Variants in DNAH5 observed in about 807,000 individuals in gnomAD.
The protein encoded by DNAH5 is dynein axonemal heavy chain 5.
A neutral mutation model predicts 518.2 loss-of-function variants in DNAH5; 372 were observed. That is an observed-to-expected ratio of 0.72 (90% CI 0.66 to 0.78). The LOEUF (loss-of-function observed/expected upper bound fraction) is 0.78, where lower values mean the gene tolerates loss of function less well. DNAH5 is among the 30% of genes least tolerant of loss of function. The pLI is 0.00. For missense variants in DNAH5, 5,523 were observed against 5,687.0 expected, an observed-to-expected ratio of 0.97 and a Z score of 0.93; for synonymous variants, 2,039 against 2,025.9, an observed-to-expected ratio of 1.01 and a Z score of -0.17.
intron 41 of DNAH5, among the ~76,000 whole-genome samples, chr5:13,818,093 A>C (rs1561341627): frequency 6.6e-6 from 1 of 152,122 alleles, no homozygotes; most frequent in Non-Finnish European, 1.5e-5. Flanking sequence ...ATCAGCTTTG[A>C]TTTGTGTTAT....
chr5:13,782,227 T>C (rs186194098), intron 52 of DNAH5, among the ~76,000 whole-genome samples: 7 of 152,342 alleles, frequency 4.6e-5, no homozygotes. Flanking sequence ...GGAAGCTTCC[T>C]GAAGTCACTG....
intron 76 of DNAH5, among the ~76,000 whole-genome samples, chr5:13,705,793 G>A (rs1461792823): frequency 6.6e-6 from 1 of 151,798 alleles, no homozygotes; most frequent in Admixed American, 6.6e-5. Context: ...GTGCATAGAG[G>A]GAAGATGATG....
chr5:13,714,362 AT>A (rs1467205738), intron 75 of DNAH5, 42 bp downstream of exon 75: 2 of 1,595,482 alleles, frequency 1.3e-6, no homozygotes, highest in Admixed American at 3.3e-5. Context: ...AACCGAAGAT[AT>A]GCAACCCCAG....
intron 38 of DNAH5, among the ~76,000 whole-genome samples, chr5:13,827,364 C>T (rs1580448014): frequency 6.6e-6 from 1 of 151,126 alleles, no homozygotes; most frequent in East Asian, 2.0e-4. Context: ...GCAGCCCCTC[C>T]CCATCACAGG....
Position 13,867,980 on chromosome 5 carries a change from G to C in DNAH5, c.3847C>G (p.Leu1283Val). 6.2e-7 allele frequency: 1 copy of C among 1,607,852 alleles called. No individual in the cohort carries two copies. Among genetic ancestry groups the C allele is most frequent in the South Asian group, 1.1e-5 (1 of 90,656 alleles). The change falls in exon 25 of 79, where the codon CTG (leucine) becomes GTG (valine). Residue 1283 changes from leucine to valine, a missense_variant. Leu to Val is a conservative substitution (Grantham distance 32). Coordinates refer to ENST00000265104, the MANE Select transcript of DNAH5 (RefSeq NM_001369.3). The stretch of plus-strand genomic sequence containing the variant: ...ATCAGAAGTCCATATCTGTTAAGCA[G>C]GGCATAAGATTCCTAAAAAAAAATA... ...QVGPIEESYA[L>V]LNRYGLLIAR...
chr5:13,790,642 T>TTGCTCCACACTTCTCCTTC (rs1329477120), intron 50 of DNAH5, among the ~76,000 whole-genome samples: 1 of 152,154 alleles, frequency 6.6e-6, no homozygotes, highest in Non-Finnish European at 1.5e-5. Flanking sequence ...TCTTCCCCTT[T>TTGCTCCACACTTCTCCTTC]TGCTCCACAC....
intron 1 of DNAH5, among the ~76,000 whole-genome samples, chr5:13,941,645 G>T (rs905167702): frequency 6.6e-6 from 1 of 152,212 alleles, no homozygotes; most frequent in African/African-American, 2.4e-5. Flanking sequence ...AACAATGGCT[G>T]CCCTCCTGCA....
chr5:13,904,459 G>A (rs1580823022), intron 12 of DNAH5, among the ~76,000 whole-genome samples: 2 of 148,510 alleles, frequency 1.3e-5, no homozygotes, highest in East Asian at 1.9e-4. Context: ...ATATGTGCAT[G>A]TGAATTATAT....
At chr5:13,923,103 A>G (rs566288845) in intron 4 of DNAH5, among the ~76,000 whole-genome samples, 177 bp downstream of exon 4, 2 of 152,348 alleles carry the variant, frequency 1.3e-5, no homozygotes, top group South Asian at 2.1e-4. Flanking sequence ...CTCTTACTCA[A>G]AAGATTTAAA....
At chr5:13,938,794 T>C (rs969678452) in intron 1 of DNAH5, among the ~76,000 whole-genome samples, 2 of 152,210 alleles carry the variant, frequency 1.3e-5, no homozygotes, top group Non-Finnish European at 2.9e-5. Flanking sequence ...AATTGATCAC[T>C]TGATGAGAAC....
At chr5:13,871,154 A>G in intron 23 of DNAH5, 152 bp from the exon 24 acceptor site, 1 of 635,586 alleles carries the variant, frequency 1.6e-6, no homozygotes, top group East Asian at 2.7e-5. Flanking sequence ...AATTTTTCCT[A>G]CTCATTATAT....
rs1015538223 is a variant in DNAH5, at chr5:13,755,508, A to G, written c.10420-1170T>C. ...ATGATATGAATAATAACAGAATATG[A>G]TTAATGTTCATCTCCAGGGTTACCT... On this transcript the variant is annotated intron_variant, in intron 61 of 78. Coordinates refer to ENST00000265104, the MANE Select transcript of DNAH5 (RefSeq NM_001369.3). 3.9e-5 allele frequency among the ~76,000 whole-genome samples: 6 copies of G among 152,350 alleles called. No individual in the cohort carries two copies. In the East Asian group the frequency reaches 1.2e-3, roughly 29 times the overall value.
At chr5:13,841,214 A>G in intron 33 of DNAH5, 84 bp from the exon 34 acceptor site, 1 of 1,080,498 alleles carries the variant, frequency 9.3e-7, no homozygotes, top group Non-Finnish European at 1.4e-6. Flanking sequence ...AACAGCTGTG[A>G]TTGTTACACA....
rs562945954 is a variant in DNAH5 at position 13,915,071 on chromosome 5, G to A, written c.1198-429C>T. Among the ~76,000 whole-genome samples the A allele has an allele frequency of 7.4e-4, 113 of 152,236 alleles. 1 individual carries two copies. Among genetic ancestry groups the A allele is most frequent in the African/African-American group, 2.6e-3 (109 of 41,574 alleles). Reference sequence around the variant, plus strand: ...ATCAGCAATGGAAATGTCAAAAGGAGAAGGCCGCAGAGAGAAGGAAAACTA... The same window carrying A: ...ATCAGCAATGGAAATGTCAAAAGGAAAAGGCCGCAGAGAGAAGGAAAACTA... On this transcript the variant is annotated intron_variant, in intron 9 of 78. Transcript: ENST00000265104.
chr5:13,803,331 C>T (rs1005702567), intron 47 of DNAH5, among the ~76,000 whole-genome samples: 1 of 152,008 alleles, frequency 6.6e-6, no homozygotes, highest in Admixed American at 6.6e-5. Context: ...TTAAAATGCT[C>T]AATAGTACAT....
chr5:13,916,544 GT>G, intron 8 of DNAH5, 89 bp from the exon 9 acceptor site: 1 of 650,634 alleles, frequency 1.5e-6, no homozygotes, highest in South Asian at 1.6e-5. Context: ...TTAAAATAAA[GT>G]TTAAGAGCTT....
upstream of DNAH5, among the ~76,000 whole-genome samples, chr5:13,945,597 T>G (rs1779844889): frequency 6.6e-6 from 1 of 152,012 alleles, no homozygotes; most frequent in Admixed American, 6.6e-5. Context: ...TAAGTTTGTT[T>G]GCAGGATTTT....
At chr5:13,841,985 C>G in intron 32 of DNAH5, 81 bp from the exon 33 acceptor site, 1 of 858,170 alleles carries the variant, frequency 1.2e-6, no homozygotes, top group Non-Finnish European at 1.9e-6. Flanking sequence ...TTGTCCTTCC[C>G]AAAGAAAGTA....
At chr5:13,800,677 A>G (rs1192961044) in intron 47 of DNAH5, among the ~76,000 whole-genome samples, 1 of 152,126 alleles carries the variant, frequency 6.6e-6, no homozygotes, top group African/African-American at 2.4e-5. Context: ...CAATGGCTAT[A>G]TTGCATGATT....
Sources: gnomAD v4.1 joint callset for allele counts (sites outside exome capture counted in the v4.1 genomes callset) on GRCh38, gnomAD v4.1.1 for gene constraint, MANE v1.5 for transcripts, NCBI Gene and HGNC (gene_info 2026-07-23, HGNC 2026-07-21) for gene names.